RAB27B: variants seen among roughly 807,000 people sequenced by gnomAD.
RAB27B encodes the protein RAB27B, member RAS oncogene family.
RAB27B carries 15 observed loss-of-function variants against 24.6 expected under a neutral mutation model. The observed-to-expected ratio is 0.61, with a 90% CI of 0.41 to 0.94. The LOEUF is 0.94. RAB27B is among the 40% of genes least tolerant of loss of function. The pLI, the probability that RAB27B is intolerant of heterozygous loss-of-function variation, is 0.00. For missense variants in RAB27B, 261 were observed against 266.8 expected (o/e 0.98, Z 0.15); for synonymous variants, 105 against 92.5 (o/e 1.14, Z -0.78).
rs199761807 is a variant in RAB27B, at chr18:54,798,016, A to AT, written c.-19-79542dup. Among the ~76,000 whole-genome samples, 235 of 151,284 alleles carry AT rather than the reference A, an allele frequency of 1.6e-3. 4 individuals carry two copies. In the East Asian group the frequency reaches 0.035, roughly 23 times the overall value. Reference sequence around the variant, plus strand: ...TGATTCGGATAAGTTGAATATTGATATTTTTTTTTCAAAACTCCTTAGGTG... The same window carrying AT: ...TGATTCGGATAAGTTGAATATTGATATTTTTTTTTTCAAAACTCCTTAGGTG... On this transcript the variant is annotated intron_variant, in intron 2 of 4. Transcript: ENST00000586570.
At chr18:54,848,032 A>C (rs1568094851) in intron 1 of RAB27B, among the ~76,000 whole-genome samples, 1 of 152,216 alleles carries the variant, frequency 6.6e-6, no homozygotes, top group South Asian at 2.1e-4. Context: ...AGTGAGGTAC[A>C]GAAACAACTG....
At chr18:54,801,008 G>GTTTTTTTTTT (rs11363761) in intron 2 of RAB27B, among the ~76,000 whole-genome samples, 1 of 93,098 alleles carries the variant, frequency 1.1e-5, no homozygotes, top group African/African-American at 4.2e-5. Context: ...TTGTTCCTGT[G>GTTTTTTTTTT]TTTTTTTTTT....
rs200647068 is a variant in RAB27B, at chr18:54,733,658, C to CA, written c.-20+15517_-20+15518insA. ...AAATCTTCTGTTCTAGAGCCCCCCC[C>CA]CCCCAAATTTGCTAAGCTCCTTGGC... On this transcript the variant is annotated intron_variant, in intron 2 of 4. Coordinates refer to the RAB27B transcript ENST00000586570. 3.6e-5 allele frequency among the ~76,000 whole-genome samples: 5 copies of CA among 137,114 alleles called. 1 individual carries two copies. Among genetic ancestry groups the CA allele is most frequent in the Non-Finnish European group, 8.1e-5 (5 of 61,880 alleles). The allele number at this position is 137,114 out of a possible 152,430, so 90.0% of individuals were successfully genotyped here.
rs927141656 is a variant in RAB27B, at chr18:54,889,588, A to G, written c.*175A>G. 49 of 578,732 alleles carry G rather than the reference A, an allele frequency of 8.5e-5. No individual in the cohort carries two copies. In the East Asian group the frequency reaches 1.4e-3, roughly 17 times the overall value. 35.8% of individuals were successfully genotyped at this position (578,732 alleles called of 1,614,324 possible). On this transcript the variant is annotated 3_prime_UTR_variant, in exon 6 of 6. Coordinates refer to ENST00000262094, the MANE Select transcript of RAB27B (RefSeq NM_004163.4). The stretch of plus-strand genomic sequence containing the variant: ...TCAACAGTGTTCAAAAGAATTGACT[A>G]GTTATCCCTGAGGCCCTTTCAAACA...
At chr18:54,880,544 G>A (rs1209359696) in intron 3 of RAB27B, 1 of 152,090 alleles carries the variant, frequency 6.6e-6, no homozygotes, top group African/African-American at 2.4e-5. Flanking sequence ...TGCCAGGAGA[G>A]GTGCTGGGCC....
intron 2 of RAB27B, among the ~76,000 whole-genome samples, chr18:54,733,829 G>T (rs1037359650): frequency 1.3e-5 from 2 of 152,074 alleles, no homozygotes; most frequent in Non-Finnish European, 2.9e-5. Flanking sequence ...TCCAAGTGTA[G>T]ATTTGGTTGC....
chr18:54,870,104 C>T (rs975574481), intron 1 of RAB27B, among the ~76,000 whole-genome samples: 5 of 152,020 alleles, frequency 3.3e-5, no homozygotes, highest in Admixed American at 6.6e-5. Context: ...AAACATTTTA[C>T]GTTCTATGAA....
intron 2 of RAB27B, among the ~76,000 whole-genome samples, chr18:54,807,044 G>A (rs1415336089): frequency 2.4e-4 from 37 of 152,018 alleles, no homozygotes; most frequent in Non-Finnish European, 1.5e-5. Flanking sequence ...GGGACTACAG[G>A]TGCACGCCAC....
In RAB27B at chr18:54,770,778, A is replaced by G. The variant is rs188198083; in HGVS notation, c.-20+52637A>G. Among the ~76,000 whole-genome samples the G allele has an allele frequency of 7.9e-3, 1,199 of 152,112 alleles. 25 individuals are homozygous for G. Among genetic ancestry groups the G allele is most frequent in the African/African-American group, 0.027 (1,118 of 41,480 alleles). On this transcript the variant is annotated intron_variant, in intron 2 of 4. Transcript: ENST00000586570. ...TACCACGTTGTTTAATAGCAGACGT[A>G]TAGTACTTTCTAGTATTAGATAAGG... is the stretch of plus-strand genomic sequence containing the variant.
chr18:54,866,504 C>T (rs1912233928), intron 1 of RAB27B, among the ~76,000 whole-genome samples: 1 of 152,192 alleles, frequency 6.6e-6, no homozygotes, highest in Admixed American at 6.5e-5. Flanking sequence ...CACCATGTTG[C>T]CCAGGCTGGT....
intron 1 of RAB27B, among the ~76,000 whole-genome samples, chr18:54,841,146 TTGGGTGGCGGGGCGGTGGGGGGTTTGG>T: frequency 1.8e-4 from 1 of 5,434 alleles, no homozygotes; most frequent in African/African-American, 2.4e-4. Flanking sequence ...GACTCTGTCT[TTGGGTGGCGGGGCGGTGGGGGGTTTGG>T]TGAGAGGGGC....
upstream of RAB27B, among the ~76,000 whole-genome samples, chr18:54,826,903 A>G (rs1017095684): frequency 4.6e-5 from 7 of 152,232 alleles, no homozygotes; most frequent in African/African-American, 1.7e-4. Context: ...TATTGCATAC[A>G]GGAAATAATA....
At position 54,812,727 on chromosome 18, in the gene RAB27B, T is replaced by C. The variant is rs9954471; in HGVS notation, c.-19-64840T>C. 1.9e-3 allele frequency among the ~76,000 whole-genome samples: 288 copies of C among 152,180 alleles called. 1 individual carries two copies. Among genetic ancestry groups the C allele is most frequent in the African/African-American group, 6.7e-3 (276 of 41,430 alleles). Reference sequence around the variant, plus strand: ...ACAAGGACATTTTAAGAATTAATTTTTAATACTTTATTTCTAATGGTTTAA... The same window carrying C: ...ACAAGGACATTTTAAGAATTAATTTCTAATACTTTATTTCTAATGGTTTAA... On this transcript the variant is annotated intron_variant, in intron 2 of 4. Coordinates refer to the RAB27B transcript ENST00000586570.
intron 2 of RAB27B, among the ~76,000 whole-genome samples, chr18:54,765,215 C>T (rs1908323996): frequency 6.6e-6 from 1 of 152,054 alleles, no homozygotes; most frequent in African/African-American, 2.4e-5. Flanking sequence ...CTTTATTTTG[C>T]TCCTGGCTTC....
intron 2 of RAB27B, among the ~76,000 whole-genome samples, chr18:54,804,890 T>C (rs866759512): frequency 0.16 from 4,473 of 28,624 alleles, 173 homozygotes; most frequent in Admixed American, 0.27. Flanking sequence ...CTTTCTTTCT[T>C]TCTCTTTCTC....
chr18:54,797,501 G>A (rs1909461433), intron 2 of RAB27B, among the ~76,000 whole-genome samples: 1 of 152,180 alleles, frequency 6.6e-6, no homozygotes, highest in African/African-American at 2.4e-5. Context: ...GGGCCACAGA[G>A]TGAGACTCTG....
intron 2 of RAB27B, among the ~76,000 whole-genome samples, chr18:54,802,339 G>A (rs1909636687): frequency 6.6e-6 from 1 of 151,936 alleles, no homozygotes; most frequent in African/African-American, 2.4e-5. Flanking sequence ...GCCAGTGCTT[G>A]GGGTACTGTC....
At chr18:54,875,662 A>T (rs1416666421) in intron 1 of RAB27B, among the ~76,000 whole-genome samples, 1 of 152,132 alleles carries the variant, frequency 6.6e-6, no homozygotes, top group Non-Finnish European at 1.5e-5. Flanking sequence ...TTGCAGCTTT[A>T]AAAACATCCT....
chr18:54,796,210 T>C (rs1190075213), intron 2 of RAB27B, among the ~76,000 whole-genome samples: 6 of 152,120 alleles, frequency 3.9e-5, no homozygotes, highest in Non-Finnish European at 8.8e-5. Context: ...TGGGGAGTGC[T>C]TTTGGGCTCC....
Sources: gnomAD v4.1 joint callset for allele counts (sites outside exome capture counted in the v4.1 genomes callset) on GRCh38, gnomAD v4.1.1 for gene constraint, MANE v1.5 for transcripts, NCBI Gene and HGNC (gene_info 2026-07-23, HGNC 2026-07-21) for gene names.